BRINP3: variants seen among roughly 807,000 people sequenced by gnomAD.
BRINP3 encodes BMP/retinoic acid-inducible neural-specific protein 3.
Under a neutral mutation model 71.0 loss-of-function variants are expected in BRINP3, and 19 were observed. The observed-to-expected ratio is 0.27, with a 90% CI of 0.19 to 0.39. The LOEUF is 0.39. Ranked by LOEUF, BRINP3 falls within the 10% of genes least tolerant of loss-of-function variation. BRINP3 has a pLI of 1.00. For missense variants in BRINP3, 959 were observed against 940.8 expected (o/e 1.02, Z -0.25); for synonymous variants, 380 against 337.7 (o/e 1.13, Z -1.37).
rs1327925263 is a variant in BRINP3 at position 190,342,178 on chromosome 1, T to C, written c.237-60428A>G. Among the ~76,000 whole-genome samples the C allele has an allele frequency of 4.0e-5, 6 of 151,608 alleles. No individual in the cohort carries two copies. In the East Asian group the frequency reaches 1.2e-3, roughly 30 times the overall value. Reference sequence around the variant, plus strand: ...TTCTACTTATAAGAATTACTGTGATTATGTCTGGGTCACCTGGATAATCCA... The same window carrying C: ...TTCTACTTATAAGAATTACTGTGATCATGTCTGGGTCACCTGGATAATCCA... On this transcript the variant is annotated intron_variant, in intron 2 of 7. Transcript: ENST00000367462.
chr1:190,397,865 T>C (rs936847665), intron 2 of BRINP3, among the ~76,000 whole-genome samples: 5 of 152,008 alleles, frequency 3.3e-5, no homozygotes, highest in Non-Finnish European at 4.4e-5. Context: ...AGTTGACATT[T>C]TTCTGAGTAA....
At chr1:190,365,345 C>T (rs1309310474) in intron 2 of BRINP3, among the ~76,000 whole-genome samples, 3 of 151,858 alleles carry the variant, frequency 2.0e-5, no homozygotes, top group African/African-American at 4.8e-5. Flanking sequence ...TTCATATAAG[C>T]ATTGATTTTA....
In BRINP3 at chr1:190,454,526, T is replaced by C. The variant is rs1165294436; in HGVS notation, c.236+129A>G. Reference sequence around the variant, plus strand: ...TTTGAATAGCAAGAAAACATTACTATGGTGCATGGTAAATAACAACCCTTC... The same window carrying C: ...TTTGAATAGCAAGAAAACATTACTACGGTGCATGGTAAATAACAACCCTTC... On this transcript the variant is annotated intron_variant, in intron 2 of 7. Coordinates refer to ENST00000367462, the MANE Select transcript of BRINP3 (RefSeq NM_199051.3). The C allele has an allele frequency of 7.5e-6, 5 of 664,470 alleles. No homozygotes were observed. The East Asian group carries it at 8.2e-5, about 11-fold the overall frequency. 41.2% of individuals were successfully genotyped at this position (664,470 alleles called of 1,614,324 possible).
intron 7 of BRINP3, among the ~76,000 whole-genome samples, chr1:190,101,695 C>A (rs1026144180): frequency 1.3e-5 from 2 of 152,040 alleles, no homozygotes; most frequent in African/African-American, 4.8e-5. Context: ...ATTATATTTT[C>A]TTCCCTGAAA....
chr1:190,144,006 G>A (rs1469160492), intron 7 of BRINP3, among the ~76,000 whole-genome samples: 2 of 152,102 alleles, frequency 1.3e-5, no homozygotes, highest in Admixed American at 1.3e-4. Context: ...TTTGGATATT[G>A]ATGTCCATGA....
At chr1:190,444,051 T>C in intron 2 of BRINP3, among the ~76,000 whole-genome samples, 1 of 151,676 alleles carries the variant, frequency 6.6e-6, no homozygotes, top group East Asian at 1.9e-4. Flanking sequence ...TGACCAAAAT[T>C]GAGAAAACCT....
chr1:190,183,087 G>A (rs815344), intron 6 of BRINP3, among the ~76,000 whole-genome samples: 78,583 of 151,716 alleles, frequency 0.52, 21,396 homozygotes, highest in African/African-American at 0.71. Context: ...TTAGCAATCA[G>A]TCTAACTTGT....
intron 2 of BRINP3, among the ~76,000 whole-genome samples, chr1:190,406,778 T>C (rs1406054296): frequency 1.3e-5 from 2 of 152,088 alleles, no homozygotes; most frequent in Non-Finnish European, 2.9e-5. Context: ...AGATGTTTTC[T>C]GAATTTCAAA....
intron 1 of BRINP3, among the ~76,000 whole-genome samples, chr1:190,469,809 A>G (rs1233083833): frequency 1.3e-5 from 2 of 151,108 alleles, no homozygotes; most frequent in African/African-American, 4.8e-5. Context: ...TTAAAAATAT[A>G]TGCATAAGGT....
At chr1:190,433,966 C>A (rs145111705) in intron 2 of BRINP3, among the ~76,000 whole-genome samples, 3 of 151,912 alleles carry the variant, frequency 2.0e-5, no homozygotes, top group Admixed American at 6.6e-5. Flanking sequence ...CGGTTTTCTG[C>A]GAAATTAGTT....
At chr1:190,319,853 T>C (rs1175852034) in intron 2 of BRINP3, among the ~76,000 whole-genome samples, 3 of 152,140 alleles carry the variant, frequency 2.0e-5, no homozygotes, top group African/African-American at 7.2e-5. Flanking sequence ...CCAAATCCTA[T>C]CAGCTTCCTA....
intron 1 of BRINP3, among the ~76,000 whole-genome samples, chr1:190,471,284 A>G (rs892753018): frequency 6.6e-6 from 1 of 151,238 alleles, no homozygotes; most frequent in African/African-American, 2.4e-5. Flanking sequence ...ATTAAATTTT[A>G]TACTCAGAGG....
chr1:190,103,232 C>T (rs887294542), intron 7 of BRINP3, among the ~76,000 whole-genome samples: 1 of 151,950 alleles, frequency 6.6e-6, no homozygotes, highest in African/African-American at 2.4e-5. Context: ...TGTGGACTAT[C>T]GATAGTTTTC....
chr1:190,165,179 G>A lies in BRINP3; in HGVS notation c.962-4289C>T, dbSNP rs565466424. Among the ~76,000 whole-genome samples the A allele has an allele frequency of 1.2e-4, 18 of 151,900 alleles. No homozygotes were observed. In the South Asian group the frequency reaches 3.7e-3, roughly 32 times the overall value. ...TCTGATATATATATAAAGAATCCAT[G>A]CAAACATTTGTTTTTACACACAAAA... On this transcript the variant is annotated intron_variant, in intron 6 of 7. Transcript: ENST00000367462.
At chr1:190,398,672 C>T (rs1477980169) in intron 2 of BRINP3, among the ~76,000 whole-genome samples, 2 of 151,940 alleles carry the variant, frequency 1.3e-5, no homozygotes, top group African/African-American at 2.4e-5. Flanking sequence ...CTCAAATTTA[C>T]TGGGCATCTA....
chr1:190,277,113 A>ATATTTATT (rs1553276691), intron 3 of BRINP3, among the ~76,000 whole-genome samples: 1 of 107,486 alleles, frequency 9.3e-6, no homozygotes, highest in Admixed American at 1.1e-4. Context: ...ATATATATAT[A>ATATTTATT]TATATTTATA....
chr1:190,127,225 G>A (rs1401419044), intron 7 of BRINP3, among the ~76,000 whole-genome samples: 1 of 151,560 alleles, frequency 6.6e-6, no homozygotes, highest in Non-Finnish European at 1.5e-5. Flanking sequence ...CATTTGAACA[G>A]CTATTCCAAA....
chr1:190,163,901 C>T (rs1651242300), intron 6 of BRINP3, among the ~76,000 whole-genome samples: 1 of 152,026 alleles, frequency 6.6e-6, no homozygotes. Flanking sequence ...CCCAGTAATC[C>T]TTCATGCAGA....
intron 1 of BRINP3, among the ~76,000 whole-genome samples, chr1:190,477,005 C>T (rs745598693): frequency 3.8e-4 from 58 of 152,280 alleles, no homozygotes; most frequent in Non-Finnish European, 7.2e-4. Context: ...TGAACAAATG[C>T]TGACCTGAAC....
Sources: gnomAD v4.1 joint callset for allele counts (sites outside exome capture counted in the v4.1 genomes callset) on GRCh38, gnomAD v4.1.1 for gene constraint, MANE v1.5 for transcripts, NCBI Gene and HGNC (gene_info 2026-07-23, HGNC 2026-07-21) for gene names.